The following CSMD1 variants were observed in gnomAD, a reference collection of about 807,000 sequenced individuals.
CSMD1 encodes CUB and Sushi multiple domains 1, also known as CUB and sushi domain-containing protein 1.
CSMD1 carries 213 observed loss-of-function variants against 417.5 expected under a neutral mutation model. The observed-to-expected ratio is 0.51, with a 90% CI of 0.46 to 0.57. The LOEUF is 0.57. CSMD1 is among the 20% of genes least tolerant of loss of function. The pLI is 0.00. For missense variants in CSMD1, 6,923 were observed against 4,529.7 expected (o/e 1.53, Z -15.17); for synonymous variants, 2,862 against 1,736.8 (o/e 1.65, Z -16.11).
intron 1 of CSMD1, among the ~76,000 whole-genome samples, chr8:4,831,514 A>G (rs1800145941): frequency 6.6e-6 from 1 of 152,104 alleles, no homozygotes; most frequent in Admixed American, 6.5e-5. Context: ...ATTGCATGGT[A>G]CATATTTTTT....
intron 10 of CSMD1, among the ~76,000 whole-genome samples, chr8:3,506,178 C>G (rs1445141810): frequency 6.6e-6 from 1 of 152,096 alleles, no homozygotes; most frequent in Non-Finnish European, 1.5e-5. Flanking sequence ...CTCAAGGACT[C>G]TGAACACCCC....
intron 50 of CSMD1, among the ~76,000 whole-genome samples, chr8:3,031,280 C>T (rs559147183): frequency 7.8e-6 from 1 of 127,414 alleles, no homozygotes; most frequent in African/African-American, 3.0e-5. Flanking sequence ...CACATGGACA[C>T]AGGAAGGGGA....
intron 1 of CSMD1, among the ~76,000 whole-genome samples, chr8:4,751,055 A>G (rs1811293140): frequency 6.6e-6 from 1 of 152,224 alleles, no homozygotes; most frequent in Admixed American, 6.5e-5. Context: ...GGTTCCTCAC[A>G]CCAGGTAAAG....
intron 7 of CSMD1, among the ~76,000 whole-genome samples, chr8:3,635,846 CT>C (rs1319399772): frequency 1.4e-5 from 2 of 148,092 alleles, no homozygotes; most frequent in African/African-American, 5.0e-5. Flanking sequence ...AAATGAGACA[CT>C]GCACACTTAG....
chr8:4,896,155 T>C (rs1048237836), intron 1 of CSMD1, among the ~76,000 whole-genome samples: 1 of 152,166 alleles, frequency 6.6e-6, no homozygotes, highest in Non-Finnish European at 1.5e-5. Flanking sequence ...TTTAAACATT[T>C]GAAAGATTGT....
At chr8:4,183,822 G>C (rs1002646617) in intron 3 of CSMD1, among the ~76,000 whole-genome samples, 2 of 152,222 alleles carry the variant, frequency 1.3e-5, no homozygotes, top group Admixed American at 1.3e-4. Flanking sequence ...CTTATTAAAT[G>C]TCTCCCCTCC....
chr8:4,854,421 G>A (rs558359802), intron 1 of CSMD1, among the ~76,000 whole-genome samples: 49 of 152,134 alleles, frequency 3.2e-4, no homozygotes, highest in Non-Finnish European at 4.3e-4. Flanking sequence ...CAAGATGGCC[G>A]AATAGGAACA....
intron 1 of CSMD1, among the ~76,000 whole-genome samples, chr8:4,698,083 T>C (rs1372482261): frequency 6.6e-6 from 1 of 151,494 alleles, no homozygotes; most frequent in Non-Finnish European, 1.5e-5. Flanking sequence ...CCCAAACATG[T>C]CAAATATAAA....
intron 30 of CSMD1, among the ~76,000 whole-genome samples, chr8:3,213,724 T>A (rs1048338398): frequency 2.7e-5 from 4 of 150,808 alleles, no homozygotes; most frequent in African/African-American, 9.7e-5. Context: ...CATTAAAATA[T>A]ATATGTATAT....
Position 4,620,812 on chromosome 8 carries a change from G to A in CSMD1, c.302+16530C>T, listed in dbSNP as rs527982080. Among the ~76,000 whole-genome samples, 745 of 151,718 alleles carry A rather than the reference G, an allele frequency of 4.9e-3. 2 individuals are homozygous for A. Among genetic ancestry groups the A allele is most frequent in the Non-Finnish European group, 7.4e-3 (501 of 67,788 alleles). On this transcript the variant is annotated intron_variant, in intron 2 of 69. Coordinates refer to ENST00000635120, the MANE Select transcript of CSMD1 (RefSeq NM_033225.6). ...ATAAAAAAGAGAGAGCCAAATTAGT[G>A]ACTTTATATTCCACTTAACTTATAA...
chr8:4,444,455 A>G (rs1359694668), intron 2 of CSMD1, among the ~76,000 whole-genome samples: 3 of 151,674 alleles, frequency 2.0e-5, no homozygotes, highest in Non-Finnish European at 4.4e-5. Context: ...ATGTGAGAAA[A>G]CCACCTGAGG....
At chr8:3,316,227 A>T (rs1405978887) in intron 23 of CSMD1, among the ~76,000 whole-genome samples, 1 of 152,222 alleles carries the variant, frequency 6.6e-6, no homozygotes, top group African/African-American at 2.4e-5. Context: ...TGCTAACTAT[A>T]TACTGTATGT....
chr8:3,796,314 G>T (rs1181946463), intron 5 of CSMD1, among the ~76,000 whole-genome samples: 1 of 64,126 alleles, frequency 1.6e-5, no homozygotes, highest in Non-Finnish European at 2.7e-5. Flanking sequence ...TATAGATATA[G>T]ATATCTATCA....
chr8:3,108,999 T>G (rs1257116843), intron 43 of CSMD1, among the ~76,000 whole-genome samples: 1 of 152,192 alleles, frequency 6.6e-6, no homozygotes, highest in African/African-American at 2.4e-5. Context: ...TGCTGGTGGC[T>G]CATGCCTGTC....
rs533082833 is a variant in CSMD1 at position 4,131,414 on chromosome 8, C to G, written c.416-99315G>C. 2.4e-4 allele frequency among the ~76,000 whole-genome samples: 37 copies of G among 152,174 alleles called. 1 individual carries two copies. The highest frequency in any genetic ancestry group is 4.1e-4 in the Non-Finnish European group (28 of 68,002). On this transcript the variant is annotated intron_variant, in intron 3 of 69. Coordinates refer to ENST00000635120, the MANE Select transcript of CSMD1 (RefSeq NM_033225.6). ...TAAGCCTTCCTTGAGCTATTTGTAC[C>G]ACCTCTCTCTCAACTACCCCTGAGG... is the stretch of plus-strand genomic sequence containing the variant.
intron 2 of CSMD1, among the ~76,000 whole-genome samples, chr8:4,596,955 C>T (rs953487546): frequency 5.3e-5 from 8 of 152,160 alleles, no homozygotes; most frequent in Non-Finnish European, 1.0e-4. Context: ...CTCATTTTCT[C>T]TTGCCACCTC....
At chr8:2,955,982 T>C (rs1374646044) in intron 63 of CSMD1, among the ~76,000 whole-genome samples, 4 of 151,940 alleles carry the variant, frequency 2.6e-5, no homozygotes, top group African/African-American at 9.7e-5. Flanking sequence ...CTCAAGCTAT[T>C]CTCCTGTTTT....
intron 3 of CSMD1, among the ~76,000 whole-genome samples, chr8:4,393,207 C>T (rs1342441777): frequency 6.6e-6 from 1 of 151,902 alleles, no homozygotes; most frequent in Non-Finnish European, 1.5e-5. Context: ...AACTCCTCAG[C>T]TAAATTGATC....
intron 1 of CSMD1, among the ~76,000 whole-genome samples, chr8:4,941,186 A>C (rs1807973647): frequency 6.6e-6 from 1 of 152,230 alleles, no homozygotes; most frequent in Non-Finnish European, 1.5e-5. Flanking sequence ...AAAAACAAAA[A>C]TATTGTAACA....
Sources: gnomAD v4.1 joint callset for allele counts (sites outside exome capture counted in the v4.1 genomes callset) on GRCh38, gnomAD v4.1.1 for gene constraint, MANE v1.5 for transcripts, NCBI Gene and HGNC (gene_info 2026-07-23, HGNC 2026-07-21) for gene names.